The following AKT3 variants were observed in gnomAD, a reference collection of about 807,000 sequenced individuals.
AKT3 encodes RAC-gamma serine/threonine-protein kinase.
AKT3 carries 15 observed loss-of-function variants against 65.3 expected under a neutral mutation model. The observed-to-expected ratio is 0.23, with a 90% CI of 0.15 to 0.35. AKT3 has a LOEUF of 0.35. Ranked by LOEUF, AKT3 falls within the 10% of genes least tolerant of loss-of-function variation. The pLI is 1.00. For synonymous variants in AKT3, 206 were observed against 183.8 expected, an observed-to-expected ratio of 1.12 and a Z score of -0.98; for missense variants, 243 against 576.5, an observed-to-expected ratio of 0.42 and a Z score of 5.92.
chr1:243,730,379 C>G (rs976767189), intron 2 of AKT3, among the ~76,000 whole-genome samples: 2 of 152,200 alleles, frequency 1.3e-5, no homozygotes, highest in Admixed American at 1.3e-4. Context: ...CTCATTCTTC[C>G]TGGACAAAGG....
At chr1:243,744,244 T>A (rs1224980779) in intron 2 of AKT3, among the ~76,000 whole-genome samples, 3 of 152,152 alleles carry the variant, frequency 2.0e-5, no homozygotes, top group African/African-American at 7.2e-5. Context: ...AAAACTAATA[T>A]ATGCTGTAGA....
chr1:243,587,312 TA>T (rs1296580867), intron 8 of AKT3, among the ~76,000 whole-genome samples: 1 of 152,048 alleles, frequency 6.6e-6, no homozygotes, highest in African/African-American at 2.4e-5. Flanking sequence ...GAAATTTCCT[TA>T]AAAAATAAAA....
intron 8 of AKT3, among the ~76,000 whole-genome samples, chr1:243,591,209 A>C (rs1043826607): frequency 1.2e-4 from 18 of 152,214 alleles, no homozygotes; most frequent in Admixed American, 9.2e-4. Context: ...GAGCCACTGA[A>C]AAGGACCAGA....
chr1:243,716,957 A>C (rs1686548371), intron 2 of AKT3, among the ~76,000 whole-genome samples: 2 of 152,198 alleles, frequency 1.3e-5, no homozygotes, highest in Non-Finnish European at 2.9e-5. Context: ...TAAGATCTGG[A>C]AGGTGATTAA....
At chr1:243,741,508 C>T (rs1046992875) in intron 2 of AKT3, among the ~76,000 whole-genome samples, 1 of 152,076 alleles carries the variant, frequency 6.6e-6, no homozygotes, top group South Asian at 2.1e-4. Context: ...GAGAGGGAAT[C>T]AAGATTTCCC....
intron 13 of AKT3, chr1:243,488,950 G>A (rs1665699792): frequency 1.2e-6 from 2 of 1,611,328 alleles, no homozygotes; most frequent in Non-Finnish European, 1.7e-6. Flanking sequence ...GATACACACA[G>A]CCCCTGGGCC....
chr1:243,649,457 G>C lies in AKT3; in HGVS notation c.285-3420C>G, dbSNP rs1411689373. ...CTTTAAGTTCTGGGGTACATGTGCA[G>C]AATGTGCAGTTTTCTTACATGGGTA... On this transcript the variant is annotated intron_variant, in intron 4 of 13. Transcript: ENST00000673466. Among the ~76,000 whole-genome samples, 3 of 151,796 alleles carry C rather than the reference G, an allele frequency of 2.0e-5. No individual in the cohort carries two copies. The East Asian group carries it at 5.8e-4, about 29-fold the overall frequency.
intron 2 of AKT3, chr1:243,740,681 C>G (rs1186768476): frequency 6.6e-6 from 1 of 152,130 alleles, no homozygotes; most frequent in Non-Finnish European, 1.5e-5. Flanking sequence ...CATAAAGATC[C>G]CTGCTCTATG....
intron 2 of AKT3, among the ~76,000 whole-genome samples, chr1:243,697,825 T>A (rs1202311920): frequency 6.6e-6 from 1 of 152,034 alleles, no homozygotes; most frequent in Admixed American, 6.6e-5. Flanking sequence ...TGTCAGTTGT[T>A]TTCCTTGAGG....
intron 2 of AKT3, among the ~76,000 whole-genome samples, chr1:243,800,137 A>G (rs1343432621): frequency 1.3e-5 from 2 of 152,164 alleles, no homozygotes; most frequent in African/African-American, 4.8e-5. Flanking sequence ...AGAAAAGCAC[A>G]CTGTTTAGGA....
chr1:243,620,299 C>A (rs1334082570), intron 6 of AKT3, among the ~76,000 whole-genome samples: 1 of 98,604 alleles, frequency 1.0e-5, no homozygotes, highest in Non-Finnish European at 2.8e-5. Context: ...CCATGCAGAA[C>A]TGTGAGTCAA....
chr1:243,770,744 A>AAAAAAAC (rs1553449117), intron 2 of AKT3, among the ~76,000 whole-genome samples: 1 of 151,984 alleles, frequency 6.6e-6, no homozygotes, highest in East Asian at 1.9e-4. Flanking sequence ...GAAAAAAAAA[A>AAAAAAAC]AAAACATTTT....
At chr1:243,767,337 A>C (rs1689892979) in intron 2 of AKT3, among the ~76,000 whole-genome samples, 1 of 152,182 alleles carries the variant, frequency 6.6e-6, no homozygotes, top group South Asian at 2.1e-4. Context: ...GCCATTGGTT[A>C]TGATAAAAGG....
At chr1:243,719,472 A>G (rs557560586) in intron 2 of AKT3, among the ~76,000 whole-genome samples, 6 of 152,282 alleles carry the variant, frequency 3.9e-5, no homozygotes, top group Non-Finnish European at 7.4e-5. Flanking sequence ...ACCAATTCCA[A>G]TTGCTAAGAA....
chr1:243,589,995 T>A lies in AKT3; in HGVS notation c.697-16947A>T, dbSNP rs1342426745. ...TATGTTAAGTAAAATAAGTCAGGGA[T>A]GACAAATACTGTATGATCCACTTAT... On this transcript the variant is annotated intron_variant, in intron 8 of 13. Transcript: ENST00000673466. 2.6e-5 allele frequency among the ~76,000 whole-genome samples: 4 copies of A among 152,148 alleles called. No individual in the cohort carries two copies. In the East Asian group the frequency reaches 7.7e-4, roughly 29 times the overall value.
At chr1:243,721,587 G>C (rs995889523) in intron 2 of AKT3, among the ~76,000 whole-genome samples, 1 of 151,798 alleles carries the variant, frequency 6.6e-6, no homozygotes, top group African/African-American at 2.4e-5. Context: ...CTTATGATGG[G>C]GAGGAAAGGG....
chr1:243,575,419 C>T (rs1343947501), intron 8 of AKT3, among the ~76,000 whole-genome samples: 2 of 152,074 alleles, frequency 1.3e-5, no homozygotes, highest in African/African-American at 2.4e-5. Flanking sequence ...GCATTGAGTG[C>T]GGTAACATTC....
At chr1:243,491,069 G>A (rs1314836806) in intron 13 of AKT3, among the ~76,000 whole-genome samples, 4 of 152,210 alleles carry the variant, frequency 2.6e-5, no homozygotes, top group African/African-American at 7.2e-5. Context: ...GGAGTCTTCC[G>A]TGGAAGCTGG....
chr1:243,524,378 C>T (rs572752467), intron 12 of AKT3, among the ~76,000 whole-genome samples: 8 of 152,362 alleles, frequency 5.3e-5, no homozygotes, highest in African/African-American at 1.7e-4. Context: ...CCTCTGCTGA[C>T]TCCTGAACCA....
Sources: allele counts gnomAD v4.1 joint callset (sites outside exome capture counted in the v4.1 genomes callset), GRCh38; gene constraint gnomAD v4.1.1; transcripts MANE v1.5; gene names NCBI Gene and HGNC (gene_info 2026-07-23, HGNC 2026-07-21).